MYT1L: variants seen among roughly 807,000 people sequenced by gnomAD.
MYT1L encodes myelin transcription factor 1 like.
MYT1L carries 12 observed loss-of-function variants against 126.7 expected under a neutral mutation model. The observed-to-expected ratio is 0.09, with a 90% CI of 0.06 to 0.15. The LOEUF is 0.15. Among genes scored for constraint, MYT1L ranks in the 10% least tolerant of loss-of-function variants. The probability of loss-of-function intolerance (pLI) is 1.00; values close to 1 mark genes in which losing one functional copy is unlikely to be tolerated. For synonymous variants in MYT1L, 541 were observed against 604.2 expected, an observed-to-expected ratio of 0.90 and a Z score of 1.53; for missense variants, 979 against 1,585.2, an observed-to-expected ratio of 0.62 and a Z score of 6.49.
At chr2:2,061,947 C>T (rs931590466) in intron 3 of MYT1L, among the ~76,000 whole-genome samples, 6 of 152,158 alleles carry the variant, frequency 3.9e-5, no homozygotes, top group Admixed American at 6.5e-5. Context: ...GGAAAGCTTT[C>T]AACGCTTCTA....
Position 1,823,436 on chromosome 2 carries a change from C to T in MYT1L, c.3081-14269G>A, listed in dbSNP as rs555081438. On this transcript the variant is annotated intron_variant, in intron 21 of 24. Transcript: ENST00000647738. Reference sequence around the variant, plus strand: ...CCTATCTGGCTCAGGGCTTCGGCTCCGGGGTCCTGGAGGAGGGAGCAGGCA... The same window carrying T: ...CCTATCTGGCTCAGGGCTTCGGCTCTGGGGTCCTGGAGGAGGGAGCAGGCA... Among the ~76,000 whole-genome samples the T allele has an allele frequency of 3.9e-5, 6 of 152,320 alleles. No homozygotes were observed. In the South Asian group the frequency reaches 1.0e-3, roughly 26 times the overall value.
chr2:1,980,618 G>A (rs1468215033), intron 5 of MYT1L, among the ~76,000 whole-genome samples: 3 of 152,016 alleles, frequency 2.0e-5, no homozygotes, highest in South Asian at 4.2e-4. Context: ...CAACAATTTT[G>A]TAAGGAAAGT....
Position 1,979,703 on chromosome 2 carries a change from G to A in MYT1L, c.55+20C>T, listed in dbSNP as rs1440714416. The A allele has an allele frequency of 6.2e-7, 1 of 1,613,960 alleles. No homozygotes were observed. The highest frequency in any genetic ancestry group is 8.5e-7 in the Non-Finnish European group (1 of 1,179,846). ...GGTGACCCTGAGCCGGCCTCAGGAT[G>A]CAGGGAAGCGCGGACATACCTCGAA... is the stretch of plus-strand genomic sequence containing the variant. On this transcript the variant is annotated intron_variant, in intron 6 of 24. Coordinates refer to ENST00000647738, the MANE Select transcript of MYT1L (RefSeq NM_001303052.2). This position sits in a 1 kb window ranked among gnomAD's most constrained non-coding sequence, Gnocchi z 4.0.
chr2:2,143,196 A>G (rs907386742), intron 3 of MYT1L, among the ~76,000 whole-genome samples: 3 of 150,854 alleles, frequency 2.0e-5, no homozygotes, highest in Non-Finnish European at 4.4e-5. Context: ...AGGCTGAGGC[A>G]GGAGAATGGC....
intron 3 of MYT1L, among the ~76,000 whole-genome samples, chr2:2,168,870 C>T (rs2089577516): frequency 6.6e-6 from 1 of 152,132 alleles, no homozygotes; most frequent in Admixed American, 6.6e-5. Flanking sequence ...GTCCCGAGGC[C>T]CTAGAGCCAG....
chr2:1,878,818 T>G (rs1266844441), intron 18 of MYT1L, among the ~76,000 whole-genome samples: 3 of 152,190 alleles, frequency 2.0e-5, no homozygotes, highest in African/African-American at 7.2e-5. Context: ...CCTCTTTACA[T>G]TCTTATAATA....
chr2:2,149,463 C>T (rs924827525), intron 3 of MYT1L, among the ~76,000 whole-genome samples: 1 of 152,344 alleles, frequency 6.6e-6, no homozygotes, highest in Non-Finnish European at 1.5e-5. Flanking sequence ...AAAGCCACCT[C>T]GGCCAAGTGG....
intron 2 of MYT1L, among the ~76,000 whole-genome samples, chr2:2,199,857 C>G (rs1012864697): frequency 6.6e-6 from 1 of 152,146 alleles, no homozygotes; most frequent in Non-Finnish European, 1.5e-5. Context: ...GTACCCCTCA[C>G]GGAGGCAGGC....
intron 4 of MYT1L, among the ~76,000 whole-genome samples, chr2:2,050,584 C>CCTAAAT (rs1558855666): frequency 6.6e-6 from 1 of 152,086 alleles, no homozygotes; most frequent in Non-Finnish European, 1.5e-5. Flanking sequence ...AGAAAAATGC[C>CCTAAAT]CTAAATCTAA....
chr2:2,248,223 A>G (rs2094570897), intron 2 of MYT1L, among the ~76,000 whole-genome samples: 2 of 152,258 alleles, frequency 1.3e-5, no homozygotes, highest in African/African-American at 2.4e-5. Flanking sequence ...ACATATATTC[A>G]AAGCATCATT....
intron 3 of MYT1L, among the ~76,000 whole-genome samples, chr2:2,161,280 T>C (rs1314012287): frequency 6.6e-6 from 1 of 152,234 alleles, no homozygotes; most frequent in African/African-American, 2.4e-5. Context: ...GGGAAATGTG[T>C]ATCCTGCTTG....
intron 21 of MYT1L, among the ~76,000 whole-genome samples, chr2:1,835,230 A>T (rs2040727610): frequency 6.6e-6 from 1 of 152,240 alleles, no homozygotes; most frequent in African/African-American, 2.4e-5. Flanking sequence ...TTCATTTAAT[A>T]CTTGTACTGA....
At chr2:1,961,956 A>T (rs1254499237) in intron 8 of MYT1L, among the ~76,000 whole-genome samples, 1 of 152,242 alleles carries the variant, frequency 6.6e-6, no homozygotes, top group Non-Finnish European at 1.5e-5. Flanking sequence ...GAAGAGAATA[A>T]TTTGGATGTT....
intron 1 of MYT1L, among the ~76,000 whole-genome samples, chr2:2,313,976 A>G (rs1158441258): frequency 2.0e-5 from 3 of 152,226 alleles, no homozygotes; most frequent in Non-Finnish European, 4.4e-5. Context: ...TTATTTGGAC[A>G]TAGTGATTTT....
intron 8 of MYT1L, among the ~76,000 whole-genome samples, chr2:1,956,569 TC>T (rs1372605950): frequency 1.4e-5 from 2 of 146,632 alleles, no homozygotes; most frequent in African/African-American, 2.5e-5. Flanking sequence ...ATTCTATATT[TC>T]CTATTCTATC....
rs1038317363 is a variant in MYT1L at position 1,826,548 on chromosome 2, G to C, written c.3080+12601C>G. The stretch of plus-strand genomic sequence containing the variant: ...CAGGGCCCTTTGGGATTCACAGTTC[G>C]AGACAGATGTTGAATCTGACTCTTT... On this transcript the variant is annotated intron_variant, in intron 21 of 24. Transcript: ENST00000647738. Among the ~76,000 whole-genome samples the C allele has an allele frequency of 1.3e-5, 2 of 152,314 alleles. 1 individual carries two copies. The highest frequency in any genetic ancestry group is 3.9e-4 in the East Asian group (2 of 5,174).
intron 4 of MYT1L, among the ~76,000 whole-genome samples, chr2:2,014,789 T>C (rs962245952): frequency 1.3e-5 from 2 of 152,198 alleles, no homozygotes; most frequent in African/African-American, 4.8e-5. Context: ...GGAGCTGAAG[T>C]GGAGCAGGCA....
At chr2:2,203,414 T>C (rs1341685219) in intron 2 of MYT1L, among the ~76,000 whole-genome samples, 2 of 148,700 alleles carry the variant, frequency 1.3e-5, no homozygotes, top group African/African-American at 5.1e-5. Context: ...CTTCAGCAAA[T>C]CTCAGGATAA....
chr2:2,021,479 GGAGT>G (rs1314391443), intron 4 of MYT1L, among the ~76,000 whole-genome samples: 6 of 152,316 alleles, frequency 3.9e-5, no homozygotes, highest in Middle Eastern at 6.8e-3. Context: ...TAGGTGGTGA[GGAGT>G]GAGGGTCGAT....
Sources: gnomAD v4.1 joint callset for allele counts (sites outside exome capture counted in the v4.1 genomes callset) on GRCh38, gnomAD v4.1.1 for gene constraint, Gnocchi (gnomAD v3.1) non-coding constraint, MANE v1.5 for transcripts, NCBI Gene and HGNC (gene_info 2026-07-23, HGNC 2026-07-21) for gene names.